BLTP1: variants seen among roughly 807,000 people sequenced by gnomAD.
The protein encoded by BLTP1 is fragile site-associated protein.
chr4:122,188,073 G>T, the BLTP1 span: 1 of 1,499,900 alleles, frequency 6.7e-7, no homozygotes, highest in South Asian at 1.4e-5. Context: ...AGATATGTTG[G>T]TCTTCAAAAT....
the BLTP1 span, among the ~76,000 whole-genome samples, chr4:122,342,411 A>G: frequency 6.6e-6 from 1 of 151,884 alleles, no homozygotes; most frequent in African/African-American, 2.4e-5. Context: ...GCTGGAGTGT[A>G]GTGGCGCCAT....
the BLTP1 span, chr4:122,325,591 T>C: frequency 8.8e-7 from 1 of 1,139,556 alleles, no homozygotes; most frequent in Non-Finnish European, 1.1e-6. Context: ...TTTTGTTGAA[T>C]AATTTTTCTT....
chr4:122,187,934 C>T, the BLTP1 span: 1 of 1,588,378 alleles, frequency 6.3e-7, no homozygotes, highest in Non-Finnish European at 8.5e-7. Flanking sequence ...GCCGCAAACT[C>T]TGTGCATCAA....
chr4:122,293,592 G>A, the BLTP1 span, among the ~76,000 whole-genome samples: 4 of 150,972 alleles, frequency 2.6e-5, no homozygotes, highest in African/African-American at 4.9e-5. Context: ...GTGGAGTCTC[G>A]GTGAAGCAGC....
the BLTP1 span, chr4:122,339,436 A>G: frequency 2.0e-6 from 3 of 1,534,984 alleles, no homozygotes; most frequent in East Asian, 2.3e-5. Context: ...TTATTCCTCT[A>G]GTATAAAGCC....
chr4:122,336,905 T>C, the BLTP1 span: 2 of 1,607,794 alleles, frequency 1.2e-6, no homozygotes, highest in South Asian at 1.1e-5. Context: ...GATGAAGATA[T>C]GGGACATTTT....
chr4:122,356,057 C>A, the BLTP1 span: 2 of 1,189,588 alleles, frequency 1.7e-6, no homozygotes, highest in African/African-American at 1.5e-5. Context: ...CTGCTGTGTT[C>A]CCATGGATTT....
the BLTP1 span, chr4:122,271,729 CAG>C: frequency 6.5e-7 from 1 of 1,531,330 alleles, no homozygotes; most frequent in Non-Finnish European, 8.8e-7. Context: ...CAGCAGGTAA[CAG>C]ACATTTTTAT....
At chr4:122,257,224 A>T in the BLTP1 span, 1 of 1,602,800 alleles carries the variant, frequency 6.2e-7, no homozygotes. Flanking sequence ...ATTACATTAG[A>T]TTACTTCTAA....
chr4:122,162,795 A>G, the BLTP1 span: 13 of 330,528 alleles, frequency 3.9e-5, no homozygotes, highest in Non-Finnish European at 4.3e-5. Flanking sequence ...TTTAAAATAA[A>G]TATGAACTTG....
chr4:122,360,414 G>GT, the BLTP1 span, among the ~76,000 whole-genome samples: 8 of 151,598 alleles, frequency 5.3e-5, no homozygotes, highest in Admixed American at 1.3e-4. Context: ...CAGCCTTCCT[G>GT]TTTTTTTTCC....
At chr4:122,206,117 G>A in the BLTP1 span, 116 of 936,732 alleles carry the variant, frequency 1.2e-4, no homozygotes, top group Non-Finnish European at 1.4e-4. Context: ...CAGTGAATTG[G>A]CAATGAACAA....
chr4:122,260,299 T>C, the BLTP1 span, among the ~76,000 whole-genome samples: 1 of 152,204 alleles, frequency 6.6e-6, no homozygotes, highest in African/African-American at 2.4e-5. Context: ...GTAGTTCACT[T>C]AAACTGTAAT....
At chr4:122,252,874 C>G in the BLTP1 span, among the ~76,000 whole-genome samples, 20 of 152,286 alleles carry the variant, frequency 1.3e-4, no homozygotes, top group Non-Finnish European at 2.6e-4. Flanking sequence ...GGCTTCAGGT[C>G]TAACCCCACA....
At chr4:122,318,024 GT>G in the BLTP1 span, 34 of 992,988 alleles carry the variant, frequency 3.4e-5, no homozygotes, top group Non-Finnish European at 4.7e-5. Flanking sequence ...CTTATTGAGG[GT>G]TTTGGCTTGT....
chr4:122,304,878 C>T, the BLTP1 span: 1 of 1,613,848 alleles, frequency 6.2e-7, no homozygotes, highest in African/African-American at 1.3e-5. Flanking sequence ...AACTTTCTAA[C>T]CGACTTCAAA....
the BLTP1 span, chr4:122,301,009 G>A: frequency 4.1e-6 from 4 of 982,298 alleles, no homozygotes; most frequent in African/African-American, 7.0e-5. Context: ...AATTAGTCCA[G>A]TTTACTTTTT....
the BLTP1 span, among the ~76,000 whole-genome samples, chr4:122,341,367 GATTTT>G: frequency 1.9e-3 from 290 of 152,194 alleles, 1 homozygote; most frequent in African/African-American, 6.8e-3. Flanking sequence ...ATTAAATTTG[GATTTT>G]ATTATTTTAA....
the BLTP1 span, among the ~76,000 whole-genome samples, chr4:122,321,978 AATTTTTT>A: frequency 4.9e-5 from 1 of 20,502 alleles, no homozygotes; most frequent in African/African-American, 2.5e-4. Flanking sequence ...AACTACATGT[AATTTTTT>A]TTTTTTTTTT....
Sources: gnomAD v4.1 joint callset for allele counts (sites outside exome capture counted in the v4.1 genomes callset) on GRCh38, gnomAD v4.1.1 for gene constraint, MANE v1.5 for transcripts, NCBI Gene and HGNC (gene_info 2026-07-23, HGNC 2026-07-21) for gene names.